ANKS1B: variants seen among roughly 807,000 people sequenced by gnomAD.
The protein encoded by ANKS1B is ankyrin repeat and sterile alpha motif domain-containing protein 1B.
ANKS1B carries 36 observed loss-of-function variants against 148.3 expected under a neutral mutation model. The ratio of observed to expected loss-of-function variants is 0.24; its 90% confidence interval spans 0.19 to 0.32. The LOEUF (loss-of-function observed/expected upper bound fraction) is 0.32. Ranked by LOEUF, ANKS1B falls within the 10% of genes least tolerant of loss-of-function variation. The pLI, the probability that ANKS1B is intolerant of heterozygous loss-of-function variation, is 1.00. For synonymous variants in ANKS1B, 542 were observed against 560.8 expected, an observed-to-expected ratio of 0.97 and a Z score of 0.47; for missense variants, 1,157 against 1,542.6, an observed-to-expected ratio of 0.75 and a Z score of 4.19.
intron 12 of ANKS1B, among the ~76,000 whole-genome samples, chr12:99,278,942 A>G (rs2078036601): frequency 6.6e-6 from 1 of 152,142 alleles, no homozygotes; most frequent in Non-Finnish European, 1.5e-5. Context: ...TTGCACCCAA[A>G]ATGTAGCATA....
At chr12:98,970,367 G>A (rs2099882158) in intron 17 of ANKS1B, among the ~76,000 whole-genome samples, 1 of 152,094 alleles carries the variant, frequency 6.6e-6, no homozygotes, top group Non-Finnish European at 1.5e-5. Context: ...CTGGGCAATG[G>A]TAGCACACAA....
chr12:99,758,007 A>G (rs889734602), intron 8 of ANKS1B, among the ~76,000 whole-genome samples: 3 of 152,072 alleles, frequency 2.0e-5, no homozygotes, highest in African/African-American at 7.2e-5. Flanking sequence ...TAGCTGAGTT[A>G]TGAAATAATC....
chr12:99,102,085 T>C (rs1411799254), intron 15 of ANKS1B, among the ~76,000 whole-genome samples: 1 of 151,956 alleles, frequency 6.6e-6, no homozygotes, highest in Non-Finnish European at 1.5e-5. Context: ...AAGATGAAGT[T>C]AATGAGGAAA....
chr12:99,142,130 C>T (rs56380337), intron 15 of ANKS1B, among the ~76,000 whole-genome samples: 6,888 of 151,038 alleles, frequency 0.046, 530 homozygotes, highest in African/African-American at 0.16. Context: ...AGGGTACAGG[C>T]GGAAGCAGGG....
chr12:99,006,052 T>C (rs2099935972), intron 17 of ANKS1B, among the ~76,000 whole-genome samples: 1 of 152,206 alleles, frequency 6.6e-6, no homozygotes, highest in Non-Finnish European at 1.5e-5. Context: ...ACTAGGATCT[T>C]ACAAATTAGA....
intron 14 of ANKS1B, among the ~76,000 whole-genome samples, chr12:99,201,585 T>A (rs1006838773): frequency 2.0e-5 from 3 of 152,188 alleles, no homozygotes; most frequent in African/African-American, 7.2e-5. Context: ...GCCAACACGC[T>A]CCTGTCTTGG....
intron 7 of ANKS1B, among the ~76,000 whole-genome samples, chr12:99,774,753 G>C (rs962572931): frequency 6.6e-6 from 1 of 151,946 alleles, no homozygotes; most frequent in Non-Finnish European, 1.5e-5. Flanking sequence ...TCAGATGGAT[G>C]GATAAATAAA....
intron 17 of ANKS1B, among the ~76,000 whole-genome samples, chr12:98,837,466 A>G (rs1370934428): frequency 1.3e-5 from 2 of 152,254 alleles, no homozygotes; most frequent in African/African-American, 4.8e-5. Flanking sequence ...CACAGGAGTC[A>G]GCCACAGGTG....
At chr12:99,195,871 C>T (rs1184321947) in intron 14 of ANKS1B, among the ~76,000 whole-genome samples, 1 of 151,830 alleles carries the variant, frequency 6.6e-6, no homozygotes, top group Non-Finnish European at 1.5e-5. Flanking sequence ...TTGAGAGGTG[C>T]AAAATTTAAG....
chr12:99,846,073 A>G (rs2086624027), intron 1 of ANKS1B, among the ~76,000 whole-genome samples: 1 of 152,160 alleles, frequency 6.6e-6, no homozygotes, highest in Non-Finnish European at 1.5e-5. Flanking sequence ...TAACTTAACT[A>G]GTAGAGTTTT....
intron 15 of ANKS1B, among the ~76,000 whole-genome samples, chr12:99,100,825 T>C (rs1398303236): frequency 1.3e-5 from 2 of 152,166 alleles, no homozygotes; most frequent in Non-Finnish European, 1.5e-5. Context: ...CCACTGTGCC[T>C]GGTCAAAGAG....
chr12:99,758,705 A>G (rs922544338), intron 8 of ANKS1B, among the ~76,000 whole-genome samples: 12 of 151,944 alleles, frequency 7.9e-5, no homozygotes, highest in African/African-American at 2.7e-4. Flanking sequence ...TTTTGAACTC[A>G]AATTCCTGTT....
chr12:99,391,868 T>G (rs12427034), intron 12 of ANKS1B, among the ~76,000 whole-genome samples: 17 of 152,216 alleles, frequency 1.1e-4, no homozygotes, highest in Admixed American at 2.0e-4. Context: ...AGGAGACACA[T>G]TTCATGATTT....
intron 17 of ANKS1B, among the ~76,000 whole-genome samples, chr12:98,980,431 C>T (rs941979093): frequency 2.6e-5 from 4 of 152,240 alleles, no homozygotes; most frequent in African/African-American, 4.8e-5. Context: ...TGGTCTAGAT[C>T]TCCTGACCTC....
chr12:98,974,002 C>T (rs56403363), intron 17 of ANKS1B, among the ~76,000 whole-genome samples: 4 of 151,830 alleles, frequency 2.6e-5, no homozygotes, highest in Non-Finnish European at 4.4e-5. Context: ...GGTGGGGATG[C>T]GGGTCTTAAA....
chr12:98,828,731 G>A (rs993282633), intron 19 of ANKS1B, among the ~76,000 whole-genome samples: 3 of 152,178 alleles, frequency 2.0e-5, no homozygotes, highest in African/African-American at 7.2e-5. Flanking sequence ...AACGCAACTA[G>A]TCCCAGTAGA....
chr12:98,845,110 G>A (rs1314450853), intron 17 of ANKS1B, among the ~76,000 whole-genome samples: 2 of 152,122 alleles, frequency 1.3e-5, no homozygotes, highest in Non-Finnish European at 2.9e-5. Flanking sequence ...AAAAGTATGG[G>A]TCTAATGGGG....
chr12:99,517,563 C>CAAA (rs67889061), intron 9 of ANKS1B, among the ~76,000 whole-genome samples: 6 of 124,284 alleles, frequency 4.8e-5, no homozygotes, highest in Non-Finnish European at 8.9e-5. Context: ...AGTAAAAATA[C>CAAA]AAAAAAAAAA....
intron 9 of ANKS1B, among the ~76,000 whole-genome samples, chr12:99,514,996 G>T (rs2096801905): frequency 6.7e-6 from 1 of 150,266 alleles, no homozygotes; most frequent in African/African-American, 2.5e-5. Flanking sequence ...TTGACATTTG[G>T]CCTCTATCAT....
Sources: gnomAD v4.1 joint callset for allele counts (sites outside exome capture counted in the v4.1 genomes callset) on GRCh38, gnomAD v4.1.1 for gene constraint, MANE v1.5 for transcripts, NCBI Gene and HGNC (gene_info 2026-07-23, HGNC 2026-07-21) for gene names.